Variants in RXRG observed in about 807,000 individuals in gnomAD.
RXRG encodes the protein retinoid X receptor gamma.
Under a neutral mutation model 49.2 loss-of-function variants are expected in RXRG, and 19 were observed. The observed-to-expected ratio is 0.39, with a 90% confidence interval of 0.27 to 0.57. The LOEUF (loss-of-function observed/expected upper bound fraction) is 0.57. RXRG is among the 20% of genes least tolerant of loss of function. The pLI, the probability that RXRG is intolerant of heterozygous loss-of-function variation, is 0.64. For synonymous variants in RXRG, 224 were observed against 216.6 expected (o/e 1.03, Z -0.30); for missense variants, 452 against 592.5 (o/e 0.76, Z 2.46).
intron 4 of RXRG, among the ~76,000 whole-genome samples, chr1:165,413,442 C>A (rs1056193306): frequency 6.6e-6 from 1 of 152,286 alleles, no homozygotes; most frequent in East Asian, 1.9e-4. Context: ...TGACATACTA[C>A]GAGCCACAGA....
intron 9 of RXRG, among the ~76,000 whole-genome samples, chr1:165,405,041 GAGCCACCGCATATTTTTAAAA>G (rs1422989995): frequency 1.3e-5 from 2 of 152,246 alleles, no homozygotes; most frequent in Middle Eastern, 3.4e-3. Flanking sequence ...TTACAGACAT[GAGCCACCGCATATTTTTAAAA>G]AATATTTTTA....
chr1:165,403,671 G>A (rs1250600623), intron 9 of RXRG, among the ~76,000 whole-genome samples: 1 of 152,220 alleles, frequency 6.6e-6, no homozygotes. Context: ...ACTCCCGGCC[G>A]TGCCTCTGCC....
At chr1:165,406,968 C>G in intron 8 of RXRG, 51 bp from the exon 9 acceptor site, 1 of 1,325,124 alleles carries the variant, frequency 7.5e-7, no homozygotes, top group Non-Finnish European at 1.1e-6. Context: ...CCAGCAGAGG[C>G]TGTCCCCATT....
chr1:165,428,616 A>G, intron 2 of RXRG, 103 bp downstream of exon 2: 2 of 1,363,418 alleles, frequency 1.5e-6, no homozygotes, highest in East Asian at 2.3e-5. Flanking sequence ...CCCTTTGGCA[A>G]GCACGCATTA....
intron 9 of RXRG, among the ~76,000 whole-genome samples, chr1:165,403,519 A>C (rs577064105): frequency 5.9e-4 from 90 of 152,374 alleles, no homozygotes; most frequent in Middle Eastern, 3.4e-3. Flanking sequence ...AAAAAAGTAG[A>C]AATTGCTTCC....
At chr1:165,436,934 T>G (rs1443427315) in intron 1 of RXRG, 14 of 1,125,350 alleles carry the variant, frequency 1.2e-5, no homozygotes, top group Non-Finnish European at 1.5e-5. Context: ...TGGAAAAGCC[T>G]GTTATCATCT....
rs142688082 is a variant in RXRG at position 165,432,223 on chromosome 1, T to C, written c.50-3257A>G. 9.3e-3 allele frequency among the ~76,000 whole-genome samples: 1,421 copies of C among 152,338 alleles called. 28 individuals carry two copies. The highest frequency in any genetic ancestry group is 0.04 in the South Asian group (193 of 4,830). On this transcript the variant is annotated intron_variant, in intron 1 of 9. Coordinates refer to ENST00000359842, the MANE Select transcript of RXRG (RefSeq NM_006917.5). ...CTACTGAGAGCAGTGGTGAGAATGG[T>C]ACATTGTTGAGATACAATGAAATAA...
At chr1:165,420,108 T>C in intron 2 of RXRG, 94 bp from the exon 3 acceptor site, 1 of 1,027,556 alleles carries the variant, frequency 9.7e-7, no homozygotes. Context: ...AAAAAACAAG[T>C]TCTATTTCAA....
intron 7 of RXRG, 148 bp from the exon 8 acceptor site, chr1:165,408,466 AC>A (rs1411945407): frequency 1.3e-5 from 8 of 627,946 alleles, no homozygotes; most frequent in Non-Finnish European, 2.3e-5. Context: ...AAAAGATGCA[AC>A]CCCTCATTGC....
intron 2 of RXRG, chr1:165,425,011 A>C (rs984358142): frequency 3.1e-6 from 3 of 972,110 alleles, no homozygotes; most frequent in Admixed American, 6.2e-5. Flanking sequence ...TGGCAAGCTT[A>C]ATATAGCTCC....
intron 8 of RXRG, among the ~76,000 whole-genome samples, chr1:165,407,230 T>C (rs1436645478): frequency 6.6e-6 from 1 of 152,226 alleles, no homozygotes; most frequent in Non-Finnish European, 1.5e-5. Context: ...GTGCCTATTA[T>C]GTGCTGAGCA....
At chr1:165,437,061 C>T (rs1658836942) in intron 1 of RXRG, 4 of 1,305,762 alleles carry the variant, frequency 3.1e-6, no homozygotes, top group Non-Finnish European at 4.0e-6. Flanking sequence ...GACTCAAAAT[C>T]TCCTTTGCTC....
At chr1:165,402,089 A>AT (rs56686789) in intron 9 of RXRG, among the ~76,000 whole-genome samples, 5,020 of 147,932 alleles carry the variant, frequency 0.034, 142 homozygotes, top group East Asian at 0.1. Flanking sequence ...ATTGTTACCA[A>AT]TTTTTTTTTT....
chr1:165,410,615 G>T, intron 6 of RXRG, 87 bp downstream of exon 6: 1 of 1,462,808 alleles, frequency 6.8e-7, no homozygotes. Context: ...GCTTGGACAT[G>T]TTGCAGCTCC....
chr1:165,429,043 ACCTTT>A lies in RXRG; in HGVS notation c.50-82_50-78del, dbSNP rs1329642970. 2.0e-6 allele frequency: 3 copies of A among 1,490,276 alleles called. No homozygotes were observed. In the East Asian group the frequency reaches 6.9e-5, roughly 34 times the overall value. 92.3% of individuals were successfully genotyped at this position (1,490,276 alleles called of 1,614,324 possible). A position where few individuals can be genotyped will look rare whatever the true frequency, so the allele number is the denominator to read the frequency against. On this transcript the variant is annotated intron_variant, in intron 1 of 9. Coordinates refer to ENST00000359842, the MANE Select transcript of RXRG (RefSeq NM_006917.5). ...CCCTGGGGGACAGAGGCCTAGCCCC[ACCTTT>A]CTTTCCTGTATCCTGCCCCTCTTTT... is the stretch of plus-strand genomic sequence containing the variant.
intron 2 of RXRG, chr1:165,424,988 C>T (rs915234482): frequency 1.0e-6 from 1 of 984,528 alleles, no homozygotes; most frequent in Admixed American, 6.1e-5. Context: ...GGCTGCTGAG[C>T]TTCCCCAGCA....
At chr1:165,407,050 G>C in intron 8 of RXRG, 133 bp from the exon 9 acceptor site, 1 of 612,156 alleles carries the variant, frequency 1.6e-6, no homozygotes, top group South Asian at 2.0e-5. Flanking sequence ...AACAAAGCTG[G>C]TCATTCATGC....
chr1:165,410,565 A>T, intron 6 of RXRG, 137 bp downstream of exon 6: 2 of 909,304 alleles, frequency 2.2e-6, no homozygotes, highest in East Asian at 5.3e-5. Context: ...GGGAATGAAC[A>T]ACCCCGCACA....
intron 4 of RXRG, among the ~76,000 whole-genome samples, chr1:165,416,105 A>G (rs938616057): frequency 1.3e-5 from 2 of 152,182 alleles, no homozygotes; most frequent in African/African-American, 2.4e-5. Flanking sequence ...TGACCCTTTC[A>G]GTAAGATGCC....
Sources: gnomAD v4.1 joint callset for allele counts (sites outside exome capture counted in the v4.1 genomes callset) on GRCh38, gnomAD v4.1.1 for gene constraint, MANE v1.5 for transcripts, NCBI Gene and HGNC (gene_info 2026-07-23, HGNC 2026-07-21) for gene names.